The following CABLES1 variants were observed in gnomAD, a reference collection of about 807,000 sequenced individuals.
CABLES1 encodes CDK5 and ABL1 enzyme substrate 1.
A neutral mutation model predicts 57.8 loss-of-function variants in CABLES1; 36 were observed. The observed-to-expected ratio is 0.62, with a 90% confidence interval of 0.48 to 0.82. The LOEUF (loss-of-function observed/expected upper bound fraction) is 0.82. Ranked by LOEUF, CABLES1 falls within the 40% of genes least tolerant of loss-of-function variation. CABLES1 has a pLI of 0.00. For missense variants in CABLES1, 767 were observed against 836.6 expected (o/e 0.92, Z 1.03); for synonymous variants, 374 against 363.0 (o/e 1.03, Z -0.35).
Position 23,258,146 on chromosome 18 carries a change from TG to T in CABLES1, c.*781del. 6.6e-6 allele frequency: 1 copy of T among 152,376 alleles called. No individual in the cohort carries two copies. The highest frequency in any genetic ancestry group is 1.5e-5 in the Non-Finnish European group (1 of 68,044). 9.4% of individuals were successfully genotyped at this position (152,376 alleles called of 1,614,324 possible). A position where few individuals can be genotyped will look rare whatever the true frequency, so the allele number is the denominator to read the frequency against. ...CTGAGTGTTGGATGAGTCAGTCGCGTGGAAGGACGTGGAGCGTGGCGCTCTG... is the reference window on the plus strand; with the variant it reads ...CTGAGTGTTGGATGAGTCAGTCGCGTGAAGGACGTGGAGCGTGGCGCTCTG... On this transcript the variant is annotated 3_prime_UTR_variant, in exon 10 of 10. Transcript: ENST00000256925.
At chr18:23,202,542 C>T (rs2047332824) in intron 3 of CABLES1, among the ~76,000 whole-genome samples, 1 of 152,184 alleles carries the variant, frequency 6.6e-6, no homozygotes, top group Non-Finnish European at 1.5e-5. Context: ...TTGTGTGCCA[C>T]AGTGGAGGCT....
chr18:23,222,471 C>T (rs548435746), intron 4 of CABLES1, among the ~76,000 whole-genome samples: 16 of 151,606 alleles, frequency 1.1e-4, no homozygotes, highest in Non-Finnish European at 1.9e-4. Context: ...AGCAAGGTTT[C>T]TGAAACTTTC....
At chr18:23,150,209 T>TTTTTTG (rs1555658971) in intron 1 of CABLES1, among the ~76,000 whole-genome samples, 16 of 140,710 alleles carry the variant, frequency 1.1e-4, no homozygotes, top group African/African-American at 4.4e-4. Context: ...TGGTGTTTGT[T>TTTTTTG]TTTTTTTTTT....
intron 3 of CABLES1, among the ~76,000 whole-genome samples, chr18:23,202,043 G>GAGGAAGGAAGGAAGGAAGGAAGGAAGGA (rs55652834): frequency 6.6e-6 from 1 of 151,766 alleles, no homozygotes; most frequent in African/African-American, 2.4e-5. Flanking sequence ...AGGTGATTGA[G>GAGGAAGGAAGGAAGGAAGGAAGGAAGGA]AGGAAGGAAG....
At chr18:23,208,066 A>G (rs2047377084) in intron 3 of CABLES1, among the ~76,000 whole-genome samples, 2 of 152,084 alleles carry the variant, frequency 1.3e-5, no homozygotes, top group African/African-American at 4.8e-5. Flanking sequence ...CCCACCTGTT[A>G]CAATCCCATG....
chr18:23,243,873 A>T (rs964710165), intron 7 of CABLES1, among the ~76,000 whole-genome samples: 1 of 51,486 alleles, frequency 1.9e-5, no homozygotes, highest in African/African-American at 4.3e-4. Context: ...ACTCCGTTTC[A>T]AAAAAAAAAA....
At chr18:23,209,894 G>T (rs900069071) in intron 3 of CABLES1, among the ~76,000 whole-genome samples, 2 of 152,158 alleles carry the variant, frequency 1.3e-5, no homozygotes, top group Admixed American at 1.3e-4. Flanking sequence ...GGCGGTCCTT[G>T]TGCATCTCCT....
intron 4 of CABLES1, among the ~76,000 whole-genome samples, chr18:23,231,129 T>C (rs1259175146): frequency 2.0e-5 from 3 of 152,190 alleles, no homozygotes; most frequent in Admixed American, 6.5e-5. Context: ...TAGGCCACTC[T>C]TGGGAAGAAA....
intron 1 of CABLES1, among the ~76,000 whole-genome samples, chr18:23,152,950 C>T (rs1263442491): frequency 6.7e-6 from 1 of 150,060 alleles, no homozygotes; most frequent in Admixed American, 6.6e-5. Context: ...TACAGGCGCC[C>T]ACCACCACGC....
intron 3 of CABLES1, among the ~76,000 whole-genome samples, chr18:23,196,353 C>G (rs960832143): frequency 1.3e-5 from 2 of 152,108 alleles, no homozygotes; most frequent in African/African-American, 2.4e-5. Flanking sequence ...CAGGTGAGAG[C>G]TGGTTTTCTT....
At chr18:23,230,277 C>A (rs1037475075) in intron 4 of CABLES1, among the ~76,000 whole-genome samples, 2 of 152,294 alleles carry the variant, frequency 1.3e-5, no homozygotes, top group African/African-American at 4.8e-5. Context: ...GAGGCTGAGG[C>A]AGGAGAATGG....
chr18:23,232,440 C>T (rs957382672), intron 4 of CABLES1, among the ~76,000 whole-genome samples: 2 of 152,180 alleles, frequency 1.3e-5, no homozygotes, highest in East Asian at 1.9e-4. Context: ...CCCTGCCCAC[C>T]GCAGGTATTT....
At position 23,152,628 on chromosome 18, in the gene CABLES1, G is replaced by A. The variant is rs541359850; in HGVS notation, c.845+16021G>A. Among the ~76,000 whole-genome samples, 17 of 151,612 alleles carry A rather than the reference G, an allele frequency of 1.1e-4. No homozygotes were observed. The South Asian group carries it at 2.9e-3, about 26-fold the overall frequency. On this transcript the variant is annotated intron_variant, in intron 1 of 9. Transcript: ENST00000256925. ...GCCTCCCGAGTAGCTGGGATTACAG[G>A]CACCTGCCATCATGCCCGGCTAATT...
chr18:23,210,403 A>G (rs913832740), intron 3 of CABLES1, among the ~76,000 whole-genome samples: 2 of 152,226 alleles, frequency 1.3e-5, no homozygotes, highest in African/African-American at 4.8e-5. Context: ...AGGGTGGTCA[A>G]TGTCTGACAT....
chr18:23,235,458 T>C (rs1598844896), intron 5 of CABLES1, among the ~76,000 whole-genome samples: 1 of 151,742 alleles, frequency 6.6e-6, no homozygotes, highest in South Asian at 2.1e-4. Flanking sequence ...GAGTGGAGGG[T>C]CATATGTGGC....
chr18:23,181,264 C>T (rs955846434), intron 1 of CABLES1, among the ~76,000 whole-genome samples: 7 of 151,988 alleles, frequency 4.6e-5, no homozygotes, highest in African/African-American at 2.4e-5. Flanking sequence ...GAGGCCTCGG[C>T]GGGTGGATCA....
chr18:23,167,860 C>T (rs2144985472), intron 1 of CABLES1, among the ~76,000 whole-genome samples: 1 of 152,286 alleles, frequency 6.6e-6, no homozygotes, highest in South Asian at 2.1e-4. Context: ...GGGGGAGGGG[C>T]CCTAGATTGG....
At chr18:23,189,764 T>G (rs1007184742) in intron 2 of CABLES1, among the ~76,000 whole-genome samples, 5 of 152,226 alleles carry the variant, frequency 3.3e-5, no homozygotes, top group African/African-American at 1.2e-4. Flanking sequence ...CTCTTCCTTC[T>G]GAGCCTGGCA....
At chr18:23,163,815 T>C (rs994045327) in intron 1 of CABLES1, among the ~76,000 whole-genome samples, 10 of 152,216 alleles carry the variant, frequency 6.6e-5, no homozygotes, top group African/African-American at 2.4e-4. Flanking sequence ...CTTCCCCGCA[T>C]GGAGGAGCGT....
Sources: gnomAD v4.1 joint callset for allele counts (sites outside exome capture counted in the v4.1 genomes callset) on GRCh38, gnomAD v4.1.1 for gene constraint, MANE v1.5 for transcripts, NCBI Gene and HGNC (gene_info 2026-07-23, HGNC 2026-07-21) for gene names.